Variants in TNS3 observed in about 807,000 individuals in gnomAD.
TNS3 encodes the protein tensin 3, also known as tensin-3.
In TNS3, 45 loss-of-function variants were observed where a neutral mutation model predicts 140.9. The observed-to-expected ratio is 0.32, with a 90% CI of 0.25 to 0.41. The LOEUF is 0.41. Ranked by LOEUF, TNS3 falls within the 10% of genes least tolerant of loss-of-function variation. TNS3 has a pLI of 1.00. For synonymous variants in TNS3, 815 were observed against 788.4 expected, an observed-to-expected ratio of 1.03 and a Z score of -0.56; for missense variants, 1,716 against 1,906.7, an observed-to-expected ratio of 0.90 and a Z score of 1.86.
At chr7:47,481,013 A>G (rs768652151) in intron 4 of TNS3, 90 bp downstream of exon 4, 2 of 1,099,202 alleles carry the variant, frequency 1.8e-6, no homozygotes, top group Non-Finnish European at 1.2e-6. Context: ...AGAGGAAGCC[A>G]AAAGATCCCC....
chr7:47,389,960 C>G (rs188841800), intron 16 of TNS3, among the ~76,000 whole-genome samples: 1 of 152,232 alleles, frequency 6.6e-6, no homozygotes, highest in Non-Finnish European at 1.5e-5. Context: ...TCTAAGCAAG[C>G]AATGCTTAGA....
chr7:47,554,679 T>G lies in TNS3; in HGVS notation c.-264-25532A>C, dbSNP rs904685490. ...TGACTGAATTGCTGCAATCGCATGA[T>G]CAATCTTTAATGGATGAGAAGTTGC... On this transcript the variant is annotated intron_variant, in intron 1 of 30. Transcript: ENST00000311160. Among the ~76,000 whole-genome samples, 3 of 152,190 alleles carry G rather than the reference T, an allele frequency of 2.0e-5. No homozygotes were observed. The South Asian group carries it at 6.2e-4, about 32-fold the overall frequency.
At chr7:47,363,751 T>G (rs918156440) in intron 17 of TNS3, among the ~76,000 whole-genome samples, 1 of 152,176 alleles carries the variant, frequency 6.6e-6, no homozygotes, top group African/African-American at 2.4e-5. Flanking sequence ...CTCCAGTCAG[T>G]CAGGCAATGC....
intron 3 of TNS3, among the ~76,000 whole-genome samples, chr7:47,484,281 T>C (rs1797532262): frequency 1.3e-5 from 2 of 152,200 alleles, no homozygotes; most frequent in South Asian, 4.1e-4. Context: ...GAGTCACCTG[T>C]TGATAAAGAG....
intron 21 of TNS3, among the ~76,000 whole-genome samples, chr7:47,304,469 C>T (rs1184398810): frequency 2.6e-5 from 4 of 152,172 alleles, no homozygotes; most frequent in African/African-American, 4.8e-5. Flanking sequence ...AATGGTCTCA[C>T]GTATGAATGT....
At chr7:47,337,676 A>G (rs1475224482) in intron 20 of TNS3, among the ~76,000 whole-genome samples, 1 of 152,144 alleles carries the variant, frequency 6.6e-6, no homozygotes, top group African/African-American at 2.4e-5. Context: ...GATGTGTGAA[A>G]ATGCAAATCT....
intron 4 of TNS3, among the ~76,000 whole-genome samples, chr7:47,475,013 A>T (rs1165228856): frequency 6.7e-6 from 1 of 149,212 alleles, no homozygotes; most frequent in Admixed American, 6.7e-5. Context: ...CACACGCAAC[A>T]CACAACACAC....
intron 3 of TNS3, among the ~76,000 whole-genome samples, chr7:47,494,994 A>G (rs1005948104): frequency 2.0e-5 from 3 of 152,062 alleles, no homozygotes; most frequent in Non-Finnish European, 4.4e-5. Context: ...TCACTAGGAA[A>G]CCTACCCTTC....
At chr7:47,297,788 T>G (rs1253537462) in intron 23 of TNS3, among the ~76,000 whole-genome samples, 1 of 148,906 alleles carries the variant, frequency 6.7e-6, no homozygotes, top group African/African-American at 2.5e-5. Context: ...GAAAGAAGTT[T>G]TTTTTTTTTT....
chr7:47,283,555 T>C, intron 28 of TNS3, 142 bp downstream of exon 28: 1 of 660,866 alleles, frequency 1.5e-6, no homozygotes. Context: ...GACAGAAAAA[T>C]ACCTAGACAG....
chr7:47,514,465 A>G, intron 2 of TNS3, among the ~76,000 whole-genome samples: 1 of 152,232 alleles, frequency 6.6e-6, no homozygotes, highest in Non-Finnish European at 1.5e-5. Context: ...CAGGTGCTTA[A>G]TAATGTTGGG....
Position 47,425,174 on chromosome 7 carries a change from C to T in TNS3, c.390-990G>A, listed in dbSNP as rs1026142539. ...GCTCTACTGAAAATAAAAATTACCGCGGCATGATGGTGGGTGCCTATAATC... is the reference window on the plus strand; with the variant it reads ...GCTCTACTGAAAATAAAAATTACCGTGGCATGATGGTGGGTGCCTATAATC... On this transcript the variant is annotated intron_variant, in intron 9 of 30. Transcript: ENST00000311160. 6.6e-5 allele frequency among the ~76,000 whole-genome samples: 10 copies of T among 152,060 alleles called. No individual in the cohort carries two copies. The East Asian group carries it at 1.2e-3, about 18-fold the overall frequency.
chr7:47,328,148 C>T (rs1031507837), intron 20 of TNS3, among the ~76,000 whole-genome samples: 56 of 152,144 alleles, frequency 3.7e-4, no homozygotes, highest in African/African-American at 1.2e-3. Context: ...CTCTGTGTTC[C>T]GGCCTGTCCC....
In TNS3 at chr7:47,449,635, T is replaced by C. The variant is rs550655730; in HGVS notation, c.-75-7580A>G. Among the ~76,000 whole-genome samples the C allele has an allele frequency of 1.8e-3, 274 of 152,302 alleles. 1 individual carries two copies. Among genetic ancestry groups the C allele is most frequent in the Non-Finnish European group, 3.4e-3 (231 of 68,032 alleles). On this transcript the variant is annotated intron_variant, in intron 4 of 30. Coordinates refer to ENST00000311160, the MANE Select transcript of TNS3 (RefSeq NM_022748.12). Reference sequence around the variant, plus strand: ...TTTTGTTTGTTTGTTTGAGACAGGGTCTCACTCTGTTGCCCAGGCTGGAGT... The same window carrying C: ...TTTTGTTTGTTTGTTTGAGACAGGGCCTCACTCTGTTGCCCAGGCTGGAGT...
At chr7:47,567,060 C>T (rs1562860724) in intron 1 of TNS3, among the ~76,000 whole-genome samples, 2 of 149,522 alleles carry the variant, frequency 1.3e-5, no homozygotes, top group Non-Finnish European at 3.0e-5. Context: ...AAAAGACATT[C>T]CATCTCTTAA....
intron 4 of TNS3, among the ~76,000 whole-genome samples, chr7:47,473,673 C>T (rs778071315): frequency 1.2e-4 from 18 of 152,132 alleles, no homozygotes; most frequent in Non-Finnish European, 2.1e-4. Flanking sequence ...TGTGGGAAGC[C>T]TTCTGTGACA....
At position 47,291,866 on chromosome 7, in the gene TNS3, C is replaced by T. The variant is rs939144077; in HGVS notation, c.3928+89G>A. On this transcript the variant is annotated intron_variant, in intron 27 of 30. Coordinates refer to ENST00000311160, the MANE Select transcript of TNS3 (RefSeq NM_022748.12). ...AAGGCTCACAGAAAAGAAAGGAAAC[C>T]TGAATACTGAAGTGCAAAAGGAAGT... 2.9e-6 allele frequency: 4 copies of T among 1,385,556 alleles called. No individual in the cohort carries two copies. In the African/African-American group the frequency reaches 4.3e-5, roughly 15 times the overall value. 85.8% of individuals were successfully genotyped at this position (1,385,556 alleles called of 1,614,324 possible).
At chr7:47,521,049 C>T (rs974249311) in intron 2 of TNS3, among the ~76,000 whole-genome samples, 1 of 152,192 alleles carries the variant, frequency 6.6e-6, no homozygotes, top group Admixed American at 6.5e-5. Context: ...GCTCTAGGCC[C>T]TTTGCTGAGA....
At chr7:47,359,203 C>T (rs146790391) in intron 17 of TNS3, among the ~76,000 whole-genome samples, 1 of 152,192 alleles carries the variant, frequency 6.6e-6, no homozygotes. Context: ...TGGAATATTA[C>T]TCTGCCAGGA....
Sources: allele counts gnomAD v4.1 joint callset (sites outside exome capture counted in the v4.1 genomes callset), GRCh38; gene constraint gnomAD v4.1.1; transcripts MANE v1.5; gene names NCBI Gene and HGNC (gene_info 2026-07-23, HGNC 2026-07-21).